Variants in PDZRN3 observed in about 807,000 individuals in gnomAD.
The protein encoded by PDZRN3 is PDZ domain containing ring finger 3, also known as E3 ubiquitin-protein ligase PDZRN3.
Under a neutral mutation model 85.7 loss-of-function variants are expected in PDZRN3, and 38 were observed. The ratio of observed to expected loss-of-function variants is 0.44; its 90% CI spans 0.34 to 0.58. The LOEUF is 0.58. Ranked by LOEUF, PDZRN3 falls within the 20% of genes least tolerant of loss-of-function variation. The pLI is 0.01. For synonymous variants in PDZRN3, 759 were observed against 638.0 expected (o/e 1.19, Z -2.86); for missense variants, 1,629 against 1,506.4 (o/e 1.08, Z -1.35).
At chr3:73,391,294 G>A (rs894919233) in intron 5 of PDZRN3, among the ~76,000 whole-genome samples, 178 bp from the exon 6 acceptor site, 4 of 152,154 alleles carry the variant, frequency 2.6e-5, no homozygotes, top group African/African-American at 9.7e-5. Flanking sequence ...CAATGCCTAC[G>A]GCATTTCTGA....
At chr3:73,522,269 A>G (rs991016507) in intron 3 of PDZRN3, among the ~76,000 whole-genome samples, 28 of 152,334 alleles carry the variant, frequency 1.8e-4, no homozygotes, top group African/African-American at 6.7e-4. Context: ...GGAGATACAC[A>G]TGAGATAGAC....
At chr3:73,619,997 G>A (rs945292486) in intron 1 of PDZRN3, among the ~76,000 whole-genome samples, 2 of 152,156 alleles carry the variant, frequency 1.3e-5, no homozygotes, top group African/African-American at 4.8e-5. Flanking sequence ...CTTGGAAAGC[G>A]CTACTAGCCT....
intron 3 of PDZRN3, among the ~76,000 whole-genome samples, chr3:73,530,540 A>C (rs762544832): frequency 1.3e-5 from 2 of 152,220 alleles, no homozygotes; most frequent in Non-Finnish European, 2.9e-5. Flanking sequence ...GTCCTGGTTT[A>C]CCTGGTTATG....
intron 3 of PDZRN3, among the ~76,000 whole-genome samples, chr3:73,586,579 T>C (rs1702280636): frequency 6.6e-6 from 1 of 152,208 alleles, no homozygotes; most frequent in South Asian, 2.1e-4. Context: ...TCCTTGATCT[T>C]TTCCTAACAA....
intron 3 of PDZRN3, among the ~76,000 whole-genome samples, chr3:73,531,438 C>T (rs1360247386): frequency 1.3e-5 from 2 of 152,082 alleles, no homozygotes; most frequent in South Asian, 2.1e-4. Context: ...CTATCATAAC[C>T]ATGTTTGCCT....
chr3:73,423,687 T>A (rs1702247442), intron 3 of PDZRN3, among the ~76,000 whole-genome samples: 1 of 152,248 alleles, frequency 6.6e-6, no homozygotes, highest in South Asian at 2.1e-4. Context: ...TTTATATATA[T>A]ATTTTTAAAA....
At chr3:73,412,938 A>C (rs977637404) in intron 3 of PDZRN3, among the ~76,000 whole-genome samples, 7 of 152,342 alleles carry the variant, frequency 4.6e-5, no homozygotes, top group Admixed American at 4.6e-4. Context: ...TGGGGGTCTA[A>C]GTCCGTGCTC....
chr3:73,581,598 C>T (rs1402842031), intron 3 of PDZRN3, among the ~76,000 whole-genome samples: 1 of 151,784 alleles, frequency 6.6e-6, no homozygotes, highest in Non-Finnish European at 1.5e-5. Context: ...CTTGTAGGTC[C>T]AAAAAAATGC....
chr3:73,492,501 C>A (rs1186944573), intron 3 of PDZRN3, among the ~76,000 whole-genome samples: 1 of 152,200 alleles, frequency 6.6e-6, no homozygotes, highest in Non-Finnish European at 1.5e-5. Context: ...GAAGGGTATT[C>A]ATTGGATGTC....
chr3:73,396,270 A>G (rs1163198173), intron 5 of PDZRN3, among the ~76,000 whole-genome samples: 1 of 152,156 alleles, frequency 6.6e-6, no homozygotes, highest in African/African-American at 2.4e-5. Flanking sequence ...GATGCTTCAG[A>G]GAGTAGCCAG....
intron 3 of PDZRN3, 102 bp downstream of exon 3, chr3:73,602,252 A>G (rs1702525889): frequency 2.9e-6 from 2 of 685,916 alleles, no homozygotes; most frequent in African/African-American, 1.8e-5. Flanking sequence ...TCAACCATCT[A>G]CCACTTTAGG....
intron 1 of PDZRN3, among the ~76,000 whole-genome samples, chr3:73,615,496 A>T (rs1210457807): frequency 6.6e-6 from 1 of 152,178 alleles, no homozygotes; most frequent in African/African-American, 2.4e-5. Flanking sequence ...AAGTGATGGT[A>T]TTAGCAGGTG....
chr3:73,394,181 C>A (rs536124701), intron 5 of PDZRN3, among the ~76,000 whole-genome samples: 2 of 152,190 alleles, frequency 1.3e-5, no homozygotes, highest in Non-Finnish European at 2.9e-5. Context: ...CTTCCTTACA[C>A]ACTTTTTATA....
At chr3:73,456,194 G>A (rs1000946656) in intron 3 of PDZRN3, among the ~76,000 whole-genome samples, 1 of 145,420 alleles carries the variant, frequency 6.9e-6, no homozygotes. Flanking sequence ...ATGTGTGTGT[G>A]TGTGTGTGTG....
intron 3 of PDZRN3, among the ~76,000 whole-genome samples, chr3:73,476,531 A>G (rs1703452163): frequency 6.6e-6 from 1 of 152,182 alleles, no homozygotes; most frequent in Non-Finnish European, 1.5e-5. Flanking sequence ...AAACCATATC[A>G]GGTAGTATGT....
At chr3:73,472,624 T>A (rs1277345361) in intron 3 of PDZRN3, among the ~76,000 whole-genome samples, 1 of 152,234 alleles carries the variant, frequency 6.6e-6, no homozygotes, top group Admixed American at 6.5e-5. Context: ...CTCTCTTAGC[T>A]CTCTGTTTTT....
At chr3:73,534,133 A>G (rs1334135118) in intron 3 of PDZRN3, among the ~76,000 whole-genome samples, 1 of 152,140 alleles carries the variant, frequency 6.6e-6, no homozygotes, top group African/African-American at 2.4e-5. Context: ...TGAATAATTA[A>G]TTTACAAGTG....
chr3:73,526,590 A>G (rs546635958), intron 3 of PDZRN3, among the ~76,000 whole-genome samples: 1 of 152,224 alleles, frequency 6.6e-6, no homozygotes, highest in African/African-American at 2.4e-5. Flanking sequence ...AGCTTATTCA[A>G]TTATGAACTG....
At chr3:73,395,842 G>C (rs1272259179) in intron 5 of PDZRN3, among the ~76,000 whole-genome samples, 2 of 152,174 alleles carry the variant, frequency 1.3e-5, no homozygotes, top group Admixed American at 6.5e-5. Flanking sequence ...GCCAGACATG[G>C]TCTAGGCAAA....
Sources: gnomAD v4.1 joint callset for allele counts (sites outside exome capture counted in the v4.1 genomes callset) on GRCh38, gnomAD v4.1.1 for gene constraint, MANE v1.5 for transcripts, NCBI Gene and HGNC (gene_info 2026-07-23, HGNC 2026-07-21) for gene names.